Variants in STPG2 observed in about 807,000 individuals in gnomAD.
The protein encoded by STPG2 is sperm-tail PG-rich repeat-containing protein 2.
A neutral mutation model predicts 54.2 loss-of-function variants in STPG2; 56 were observed. The observed-to-expected ratio is 1.03, with a 90% CI of 0.83 to 1.29. STPG2 has a LOEUF of 1.29. Among genes scored for constraint, STPG2 ranks in the 50% most tolerant of loss-of-function variants. The pLI is 0.00. For synonymous variants in STPG2, 200 were observed against 181.8 expected, an observed-to-expected ratio of 1.10 and a Z score of -0.81; for missense variants, 596 against 544.9, an observed-to-expected ratio of 1.09 and a Z score of -0.93.
chr4:97,909,840 T>G (rs1285681440), intron 8 of STPG2, among the ~76,000 whole-genome samples: 3 of 152,138 alleles, frequency 2.0e-5, no homozygotes, highest in African/African-American at 7.2e-5. Flanking sequence ...TTATACAGTA[T>G]AGTGAATTAT....
intron 8 of STPG2, among the ~76,000 whole-genome samples, chr4:97,860,350 C>A (rs1729479949): frequency 6.6e-6 from 1 of 152,030 alleles, no homozygotes; most frequent in African/African-American, 2.4e-5. Context: ...TGATTCCACT[C>A]ATCCATGAGC....
At chr4:98,051,012 AG>A (rs1354850277) in intron 5 of STPG2, among the ~76,000 whole-genome samples, 1 of 133,814 alleles carries the variant, frequency 7.5e-6, no homozygotes, top group Non-Finnish European at 1.7e-5. Context: ...CTCAAAAAAA[AG>A]AAAAAAAAAA....
intron 8 of STPG2, among the ~76,000 whole-genome samples, chr4:97,865,409 A>T (rs923552943): frequency 2.6e-5 from 4 of 152,204 alleles, no homozygotes; most frequent in Non-Finnish European, 1.5e-5. Flanking sequence ...CACCAGTTAG[A>T]ATGGTGAGCA....
chr4:97,865,675 G>A (rs1729743883), intron 8 of STPG2, among the ~76,000 whole-genome samples: 1 of 151,756 alleles, frequency 6.6e-6, no homozygotes, highest in African/African-American at 2.4e-5. Context: ...CTCAGGAAGG[G>A]GAACATGACA....
chr4:97,816,757 TTTTTC>T (rs1001461884), intron 9 of STPG2, among the ~76,000 whole-genome samples: 4 of 151,600 alleles, frequency 2.6e-5, no homozygotes, highest in East Asian at 3.9e-4. Context: ...TCTTTCTTTC[TTTTTC>T]TTTTCTTTTC....
chr4:97,745,261 AAC>A (rs1454290585), intron 9 of STPG2, among the ~76,000 whole-genome samples: 1 of 99,328 alleles, frequency 1.0e-5, no homozygotes, highest in African/African-American at 4.1e-5. Context: ...AAAACAAAAA[AAC>A]AAAAAAAAAA....
intron 3 of STPG2, among the ~76,000 whole-genome samples, chr4:98,120,622 G>T (rs1447643764): frequency 2.0e-5 from 3 of 152,126 alleles, no homozygotes; most frequent in Admixed American, 6.6e-5. Context: ...GTGTGAGATG[G>T]TATCTCATTG....
intron 4 of STPG2, among the ~76,000 whole-genome samples, chr4:97,469,986 A>T (rs1434567426): frequency 6.6e-6 from 1 of 152,138 alleles, no homozygotes; most frequent in East Asian, 1.9e-4. Context: ...AGCTATGTGT[A>T]AATAAAGAAA....
At chr4:98,033,838 C>A (rs1006918846) in intron 5 of STPG2, among the ~76,000 whole-genome samples, 3 of 152,168 alleles carry the variant, frequency 2.0e-5, no homozygotes, top group African/African-American at 4.8e-5. Flanking sequence ...TAAACAGAAC[C>A]AACAACAAAA....
At chr4:97,553,709 C>T (rs966113963) in intron 4 of STPG2, among the ~76,000 whole-genome samples, 3 of 152,226 alleles carry the variant, frequency 2.0e-5, no homozygotes, top group Admixed American at 2.0e-4. Flanking sequence ...ACATTCTCAA[C>T]TTGGTAAGAC....
chr4:97,577,933 T>C (rs1200474749), intron 10 of STPG2, among the ~76,000 whole-genome samples: 1 of 152,074 alleles, frequency 6.6e-6, no homozygotes, highest in African/African-American at 2.4e-5. Flanking sequence ...CAAAATATAC[T>C]AAAGGTCCTC....
chr4:97,503,779 T>C (rs1224959494), intron 4 of STPG2, among the ~76,000 whole-genome samples: 3 of 145,952 alleles, frequency 2.1e-5, no homozygotes, highest in Admixed American at 1.4e-4. Flanking sequence ...AAAAATATAT[T>C]TTCATATTCA....
At chr4:97,895,825 G>A (rs536421836) in intron 8 of STPG2, among the ~76,000 whole-genome samples, 1 of 151,854 alleles carries the variant, frequency 6.6e-6, no homozygotes, top group South Asian at 2.1e-4. Context: ...GGAATCACTT[G>A]GAGAGGTTTA....
intron 8 of STPG2, among the ~76,000 whole-genome samples, chr4:97,937,012 C>A (rs2149224542): frequency 6.6e-6 from 1 of 152,084 alleles, no homozygotes; most frequent in South Asian, 2.1e-4. Context: ...TTCAAGTACT[C>A]CAATCAGTCA....
intron 9 of STPG2, among the ~76,000 whole-genome samples, chr4:97,799,702 T>C (rs1727318733): frequency 6.6e-6 from 1 of 152,178 alleles, no homozygotes; most frequent in Non-Finnish European, 1.5e-5. Flanking sequence ...TGGCATTCTC[T>C]GTATTTCCTG....
intron 9 of STPG2, 76 bp downstream of exon 9, chr4:97,840,697 C>T: frequency 6.7e-7 from 1 of 1,491,906 alleles, no homozygotes; most frequent in Non-Finnish European, 9.0e-7. Flanking sequence ...AAGAACCTAT[C>T]AATGATTCTA....
intron 10 of STPG2, among the ~76,000 whole-genome samples, chr4:97,636,327 G>A (rs1245306836): frequency 2.1e-5 from 3 of 144,160 alleles, no homozygotes; most frequent in Non-Finnish European, 4.6e-5. Context: ...GAATCTCTGG[G>A]ACACATTCAA....
chr4:97,465,609 C>A (rs1458892120), intron 4 of STPG2, among the ~76,000 whole-genome samples: 3 of 152,016 alleles, frequency 2.0e-5, no homozygotes, highest in South Asian at 2.1e-4. Context: ...AACCCCAGTG[C>A]ATACCAAAAT....
At chr4:97,764,834 AAC>A (rs1250211580) in intron 9 of STPG2, among the ~76,000 whole-genome samples, 1 of 152,156 alleles carries the variant, frequency 6.6e-6, no homozygotes, top group African/African-American at 2.4e-5. Flanking sequence ...CTCAGCCAGC[AAC>A]AAAGGACATG....
Sources: gnomAD v4.1 joint callset for allele counts (sites outside exome capture counted in the v4.1 genomes callset) on GRCh38, gnomAD v4.1.1 for gene constraint, MANE v1.5 for transcripts, NCBI Gene and HGNC (gene_info 2026-07-23, HGNC 2026-07-21) for gene names.